JAKMIP2: variants seen among roughly 807,000 people sequenced by gnomAD.
JAKMIP2 encodes the protein janus kinase and microtubule interacting protein 2.
In JAKMIP2, 25 loss-of-function variants were observed where a neutral mutation model predicts 115.0. That is an observed-to-expected ratio of 0.22 (90% CI 0.16 to 0.30). JAKMIP2 has a LOEUF of 0.30. Among genes scored for constraint, JAKMIP2 ranks in the 10% least tolerant of loss-of-function variants. The probability of loss-of-function intolerance (pLI) is 1.00; values close to 1 mark genes in which losing one functional copy is unlikely to be tolerated. For synonymous variants in JAKMIP2, 334 were observed against 343.6 expected (o/e 0.97, Z 0.31); for missense variants, 642 against 957.6 (o/e 0.67, Z 4.35).
chr5:147,639,840 C>A, intron 9 of JAKMIP2, 80 bp from the exon 10 acceptor site: 1 of 1,505,856 alleles, frequency 6.6e-7, no homozygotes, highest in Non-Finnish European at 9.0e-7. Context: ...TAACATTTGC[C>A]CACTTTTTAC....
At chr5:147,671,187 AG>A (rs1229351166) in intron 2 of JAKMIP2, among the ~76,000 whole-genome samples, 3 of 152,188 alleles carry the variant, frequency 2.0e-5, no homozygotes, top group Non-Finnish European at 4.4e-5. Flanking sequence ...TGAGTCAAAG[AG>A]GGGGATGGAG....
At chr5:147,683,874 C>T (rs952560900) in intron 1 of JAKMIP2, among the ~76,000 whole-genome samples, 1 of 152,078 alleles carries the variant, frequency 6.6e-6, no homozygotes, top group Non-Finnish European at 1.5e-5. Flanking sequence ...AAATAGCTTT[C>T]GGATATATTA....
At chr5:147,765,793 C>T (rs1755134295) in intron 1 of JAKMIP2, among the ~76,000 whole-genome samples, 1 of 152,096 alleles carries the variant, frequency 6.6e-6, no homozygotes, top group Non-Finnish European at 1.5e-5. Context: ...ATATTTCCTT[C>T]AGGTCTTTTT....
At chr5:147,775,242 A>G (rs1487107242) in intron 1 of JAKMIP2, among the ~76,000 whole-genome samples, 2 of 152,188 alleles carry the variant, frequency 1.3e-5, no homozygotes, top group African/African-American at 4.8e-5. Flanking sequence ...AACTCTCATG[A>G]AAGCAGGATG....
intron 2 of JAKMIP2, among the ~76,000 whole-genome samples, chr5:147,669,856 C>T (rs929925192): frequency 6.6e-6 from 1 of 152,178 alleles, no homozygotes; most frequent in Non-Finnish European, 1.5e-5. Flanking sequence ...TGGTTCTCAC[C>T]TCACTACTTT....
intron 1 of JAKMIP2, among the ~76,000 whole-genome samples, chr5:147,775,272 G>A (rs1295504179): frequency 1.3e-5 from 2 of 152,082 alleles, no homozygotes; most frequent in South Asian, 4.1e-4. Context: ...TTTATCTTTG[G>A]AGTGAGATGC....
intron 1 of JAKMIP2, among the ~76,000 whole-genome samples, chr5:147,674,823 C>T (rs1427237704): frequency 1.3e-5 from 2 of 152,202 alleles, no homozygotes; most frequent in Admixed American, 1.3e-4. Context: ...GAACCAAGCT[C>T]TTTTTCTCTG....
intron 1 of JAKMIP2, among the ~76,000 whole-genome samples, chr5:147,743,445 T>G (rs1415058390): frequency 1.3e-5 from 2 of 152,228 alleles, no homozygotes; most frequent in African/African-American, 2.4e-5. Context: ...CATTAGACTT[T>G]GATCTCAAAG....
At chr5:147,691,249 C>T (rs1319830350) in intron 1 of JAKMIP2, among the ~76,000 whole-genome samples, 1 of 151,968 alleles carries the variant, frequency 6.6e-6, no homozygotes, top group Non-Finnish European at 1.5e-5. Flanking sequence ...TTTGTTCTCC[C>T]ACCCTCTCCA....
At chr5:147,639,796 GT>G (rs1334977361) in intron 9 of JAKMIP2, 36 bp from the exon 10 acceptor site, 1 of 1,605,286 alleles carries the variant, frequency 6.2e-7, no homozygotes, top group East Asian at 2.2e-5. Flanking sequence ...AAACAATTGT[GT>G]TATGTTCAGG....
chr5:147,760,644 G>C (rs1236278177), intron 1 of JAKMIP2, among the ~76,000 whole-genome samples: 2 of 152,146 alleles, frequency 1.3e-5, no homozygotes, highest in Non-Finnish European at 2.9e-5. Flanking sequence ...AAAGTGTGTG[G>C]TGAGTAGGTG....
chr5:147,689,024 A>G (rs1459060879), intron 1 of JAKMIP2, among the ~76,000 whole-genome samples: 2 of 152,238 alleles, frequency 1.3e-5, no homozygotes, highest in South Asian at 4.1e-4. Flanking sequence ...GGAAGGATCC[A>G]GGTGGTGTTG....
intron 21 of JAKMIP2, among the ~76,000 whole-genome samples, 178 bp from the exon 22 acceptor site, chr5:147,591,864 A>G (rs1226925667): frequency 6.6e-6 from 1 of 152,196 alleles, no homozygotes; most frequent in Non-Finnish European, 1.5e-5. Context: ...GAGAAAATAG[A>G]AGTCTCTATG....
At chr5:147,739,818 C>T (rs1335068051) in intron 1 of JAKMIP2, among the ~76,000 whole-genome samples, 3 of 152,126 alleles carry the variant, frequency 2.0e-5, no homozygotes, top group Non-Finnish European at 2.9e-5. Flanking sequence ...GACTAGACAG[C>T]CTAATTTCTG....
intron 13 of JAKMIP2, among the ~76,000 whole-genome samples, chr5:147,631,765 G>A (rs1010629874): frequency 2.0e-5 from 3 of 152,168 alleles, no homozygotes; most frequent in African/African-American, 7.2e-5. Flanking sequence ...TGCAGGAAGT[G>A]GAGCTCCAGT....
In JAKMIP2 at chr5:147,707,746, T is replaced by C. The variant is rs374279991; in HGVS notation, c.-148-35792A>G. Among the ~76,000 whole-genome samples, 9 of 152,312 alleles carry C rather than the reference T, an allele frequency of 5.9e-5. No individual in the cohort carries two copies. In the East Asian group the frequency reaches 1.7e-3, roughly 29 times the overall value. On this transcript the variant is annotated intron_variant, in intron 1 of 21. Transcript: ENST00000616793. ...AATGCACAACAGTGGGTTTTGATACTAAATTTACGGTGAGTCAATGACTGA... is the reference window on the plus strand; with the variant it reads ...AATGCACAACAGTGGGTTTTGATACCAAATTTACGGTGAGTCAATGACTGA...
intron 20 of JAKMIP2, among the ~76,000 whole-genome samples, chr5:147,611,192 C>T (rs529441394): frequency 3.9e-5 from 6 of 152,180 alleles, no homozygotes; most frequent in East Asian, 1.9e-4. Flanking sequence ...GGGGAGTGAA[C>T]GGTTGTGTCT....
chr5:147,597,494 T>C (rs932707358), intron 21 of JAKMIP2, among the ~76,000 whole-genome samples: 2 of 152,188 alleles, frequency 1.3e-5, no homozygotes, highest in African/African-American at 4.8e-5. Context: ...TGGGGGACAG[T>C]AAAAATGAGC....
rs145642642 is a variant in JAKMIP2 at position 147,688,567 on chromosome 5, C to A, written c.-148-16613G>T. On this transcript the variant is annotated intron_variant, in intron 1 of 21. Coordinates refer to ENST00000616793, the MANE Select transcript of JAKMIP2 (RefSeq NM_001270941.2). ...TAGTCATTAATATTTCCCTTTTAATCATTCACATAACAGAGACTTAGTGAA... is the reference window on the plus strand; with the variant it reads ...TAGTCATTAATATTTCCCTTTTAATAATTCACATAACAGAGACTTAGTGAA... Among the ~76,000 whole-genome samples the A allele has an allele frequency of 3.8e-3, 577 of 152,248 alleles. 4 individuals are homozygous for A. Among genetic ancestry groups the A allele is most frequent in the African/African-American group, 0.012 (512 of 41,542 alleles).
Sources: allele counts gnomAD v4.1 joint callset (sites outside exome capture counted in the v4.1 genomes callset), GRCh38; gene constraint gnomAD v4.1.1; transcripts MANE v1.5; gene names NCBI Gene and HGNC (gene_info 2026-07-23, HGNC 2026-07-21).